LRP1B: variants seen among roughly 807,000 people sequenced by gnomAD.
LRP1B encodes low-density lipoprotein receptor-related protein 1B.
LRP1B carries 217 observed loss-of-function variants against 556.6 expected under a neutral mutation model. The observed-to-expected ratio is 0.39, with a 90% CI of 0.35 to 0.44. LRP1B has a LOEUF of 0.44. Among genes scored for constraint, LRP1B ranks in the 20% least tolerant of loss-of-function variants. The pLI, the probability that LRP1B is intolerant of heterozygous loss-of-function variation, is 1.00. For synonymous variants in LRP1B, 2,047 were observed against 1,865.8 expected, an observed-to-expected ratio of 1.10 and a Z score of -2.50; for missense variants, 5,053 against 5,620.8, an observed-to-expected ratio of 0.90 and a Z score of 3.23.
At chr2:141,018,045 A>T (rs1288752005) in intron 12 of LRP1B, among the ~76,000 whole-genome samples, 1 of 151,880 alleles carries the variant, frequency 6.6e-6, no homozygotes, top group African/African-American at 2.4e-5. Flanking sequence ...CAATACCAGT[A>T]CCAAACAATG....
At chr2:140,314,756 T>G (rs1684447424) in intron 83 of LRP1B, among the ~76,000 whole-genome samples, 179 bp downstream of exon 83, 1 of 152,132 alleles carries the variant, frequency 6.6e-6, no homozygotes, top group Admixed American at 6.6e-5. Flanking sequence ...ATTTTTGGCT[T>G]GAACTTTTAT....
At chr2:142,021,047 T>C (rs1703312701) in intron 1 of LRP1B, among the ~76,000 whole-genome samples, 1 of 152,186 alleles carries the variant, frequency 6.6e-6, no homozygotes, top group African/African-American at 2.4e-5. Flanking sequence ...TGAATGATAA[T>C]ATTATAATGC....
At chr2:140,998,408 C>G (rs1444372795) in intron 15 of LRP1B, among the ~76,000 whole-genome samples, 1 of 151,936 alleles carries the variant, frequency 6.6e-6, no homozygotes, top group African/African-American at 2.4e-5. Context: ...TTGTTCATGT[C>G]TTCATTTATT....
At chr2:141,030,984 A>G (rs1698352717) in intron 11 of LRP1B, among the ~76,000 whole-genome samples, 1 of 151,866 alleles carries the variant, frequency 6.6e-6, no homozygotes, top group African/African-American at 2.4e-5. Flanking sequence ...TTATAAGAGA[A>G]CATTTCTTAA....
At chr2:140,350,731 A>G in intron 77 of LRP1B, 66 bp downstream of exon 77, 5 of 1,424,980 alleles carry the variant, frequency 3.5e-6, no homozygotes, top group Non-Finnish European at 4.8e-6. Flanking sequence ...ATATTAGATA[A>G]ATTTTGTTTA....
At chr2:140,864,282 G>A (rs1339411156) in intron 27 of LRP1B, among the ~76,000 whole-genome samples, 3 of 151,980 alleles carry the variant, frequency 2.0e-5, no homozygotes, top group African/African-American at 4.8e-5. Context: ...ATCTAGGCGA[G>A]TAGGTAAGAC....
At chr2:141,875,779 C>G (rs1698737195) in intron 1 of LRP1B, among the ~76,000 whole-genome samples, 1 of 151,814 alleles carries the variant, frequency 6.6e-6, no homozygotes, top group African/African-American at 2.4e-5. Flanking sequence ...GATTGTGTGT[C>G]TGTGTGATAT....
chr2:140,742,830 T>C (rs908991486), intron 35 of LRP1B, among the ~76,000 whole-genome samples: 6 of 152,146 alleles, frequency 3.9e-5, no homozygotes, highest in African/African-American at 1.4e-4. Context: ...AAATTACATA[T>C]AATTTCAAAA....
intron 3 of LRP1B, among the ~76,000 whole-genome samples, chr2:141,447,843 G>T (rs774398426): frequency 4.6e-5 from 7 of 152,176 alleles, no homozygotes; most frequent in Admixed American, 6.5e-5. Flanking sequence ...TGTATGAGGT[G>T]TCTGTTGACC....
chr2:141,101,374 A>G (rs1700457017), intron 7 of LRP1B, among the ~76,000 whole-genome samples: 1 of 152,182 alleles, frequency 6.6e-6, no homozygotes, highest in South Asian at 2.1e-4. Flanking sequence ...CTCTAAAGCC[A>G]CATGAGTCTA....
rs1185368086 is a variant in LRP1B, at chr2:140,982,167, T to C, written c.2880A>G (p.Ala960=). ...GTCTCACTCACAACTTACCACAAGA[T>C]GCCATTTCATCTGTCTGGTCACCAC... ...DDCGDQTDEM[A]SCEFPTCEPL... is the part of the protein sequence containing the mutation. Residue 960 remains alanine (A), a synonymous_variant, in exon 18 of 91, where the codon GCA becomes GCG. Transcript: ENST00000389484. The C allele has an allele frequency of 6.2e-7, 1 of 1,612,126 alleles. No individual in the cohort carries two copies. The highest frequency in any genetic ancestry group is 8.5e-7 in the Non-Finnish European group (1 of 1,178,526).
intron 2 of LRP1B, among the ~76,000 whole-genome samples, chr2:141,527,460 G>C (rs1374010719): frequency 6.6e-6 from 1 of 151,468 alleles, no homozygotes; most frequent in Non-Finnish European, 1.5e-5. Flanking sequence ...AGGAAATTTA[G>C]TAACTCTTCA....
At chr2:141,386,108 C>T (rs4255909) in intron 3 of LRP1B, among the ~76,000 whole-genome samples, 86,635 of 151,788 alleles carry the variant, frequency 0.57, 26,130 homozygotes, top group Non-Finnish European at 0.68. Context: ...TTGTTTCATG[C>T]ACAAAATTAT....
chr2:140,792,338 G>GT (rs1690151915), intron 32 of LRP1B, among the ~76,000 whole-genome samples: 1 of 152,050 alleles, frequency 6.6e-6, no homozygotes, highest in Non-Finnish European at 1.5e-5. Context: ...TAGAGGAAAA[G>GT]TTTTCCCTCC....
chr2:141,727,589 A>T (rs1041816149), intron 2 of LRP1B, among the ~76,000 whole-genome samples: 1 of 152,164 alleles, frequency 6.6e-6, no homozygotes. Flanking sequence ...TAGCCATTTA[A>T]TTGAAATCTG....
At chr2:140,381,712 A>G (rs1025137386) in intron 67 of LRP1B, among the ~76,000 whole-genome samples, 13 of 151,950 alleles carry the variant, frequency 8.6e-5, no homozygotes, top group Non-Finnish European at 1.9e-4. Flanking sequence ...AAATACAAAA[A>G]TTAGCTGGGC....
At chr2:140,332,652 C>T (rs1310778966) in intron 79 of LRP1B, among the ~76,000 whole-genome samples, 1 of 152,052 alleles carries the variant, frequency 6.6e-6, no homozygotes, top group African/African-American at 2.4e-5. Context: ...ATCCCCTTGC[C>T]TGTCATAAAT....
At chr2:141,713,255 A>T (rs1692435960) in intron 2 of LRP1B, among the ~76,000 whole-genome samples, 1 of 152,052 alleles carries the variant, frequency 6.6e-6, no homozygotes, top group Non-Finnish European at 1.5e-5. Context: ...GAGTCCTAAA[A>T]AGAGGGAGAT....
At chr2:141,085,384 A>C (rs535788844) in intron 7 of LRP1B, among the ~76,000 whole-genome samples, 1 of 152,288 alleles carries the variant, frequency 6.6e-6, no homozygotes, top group South Asian at 2.1e-4. Flanking sequence ...TGAAAATAGG[A>C]CTTTAAAGAG....
Sources: allele counts gnomAD v4.1 joint callset (sites outside exome capture counted in the v4.1 genomes callset), GRCh38; gene constraint gnomAD v4.1.1; transcripts MANE v1.5; gene names NCBI Gene and HGNC (gene_info 2026-07-23, HGNC 2026-07-21).